ERMARD: variants seen among roughly 807,000 people sequenced by gnomAD.
ERMARD encodes endoplasmic reticulum membrane-associated RNA degradation protein.
A neutral mutation model predicts 83.9 loss-of-function variants in ERMARD; 71 were observed. That is an observed-to-expected ratio of 0.85 (90% CI 0.70 to 1.03). The LOEUF is 1.03. Among genes scored for constraint, ERMARD ranks in the 50% least tolerant of loss-of-function variants. The pLI, the probability that ERMARD is intolerant of heterozygous loss-of-function variation, is 0.00. For missense variants in ERMARD, 838 were observed against 810.9 expected, an observed-to-expected ratio of 1.03 and a Z score of -0.41; for synonymous variants, 284 against 298.6, an observed-to-expected ratio of 0.95 and a Z score of 0.50.
chr6:169,767,756 T>TACATAC (rs1792395875), intron 10 of ERMARD: 2 of 259,606 alleles, frequency 7.7e-6, no homozygotes, highest in East Asian at 1.8e-4. Flanking sequence ...GCACATACAC[T>TACATAC]ACACACACAC....
chr6:169,767,572 AACAC>A (rs536465931), intron 10 of ERMARD: 1 of 160,556 alleles, frequency 6.2e-6, no homozygotes, highest in Non-Finnish European at 1.4e-5. Flanking sequence ...TGTGTACACA[AACAC>A]ACATGCACAT....
At chr6:169,754,088 G>T in intron 2 of ERMARD, 56 bp downstream of exon 2, 1 of 1,506,200 alleles carries the variant, frequency 6.6e-7, no homozygotes, top group Non-Finnish European at 9.0e-7. Flanking sequence ...AAAATGTCTT[G>T]ACCTGTAAAA....
intron 1 of ERMARD, among the ~76,000 whole-genome samples, chr6:169,753,562 G>A (rs1272295756): frequency 6.6e-6 from 1 of 151,146 alleles, no homozygotes; most frequent in Non-Finnish European, 1.5e-5. Context: ...TTAAGTGAAA[G>A]GCAAGTTTAT....
intron 3 of ERMARD, 125 bp downstream of exon 3, chr6:169,755,547 G>A (rs1414376299): frequency 1.6e-6 from 2 of 1,235,908 alleles, no homozygotes; most frequent in South Asian, 1.5e-5. Flanking sequence ...AGTGTTGAGG[G>A]TTGTAAGAGA....
At chr6:169,771,380 G>T (rs1426529441) in intron 12 of ERMARD, 1 of 152,084 alleles carries the variant, frequency 6.6e-6, no homozygotes, top group African/African-American at 2.4e-5. Context: ...GCCGTGCCCT[G>T]CCTATTTTTT....
At chr6:169,752,377 T>TAAATTTCCA in intron 1 of ERMARD, among the ~76,000 whole-genome samples, 1 of 152,222 alleles carries the variant, frequency 6.6e-6, no homozygotes, top group South Asian at 2.1e-4. Context: ...AGGCAAGAGG[T>TAAATTTCCA]AGTCAGAGGC....
chr6:169,778,175 C>T (rs371354226), intron 16 of ERMARD, among the ~76,000 whole-genome samples: 19 of 152,228 alleles, frequency 1.2e-4, no homozygotes, highest in Non-Finnish European at 1.9e-4. Context: ...CTTCTCCACA[C>T]GGGCAGTGGC....
intron 16 of ERMARD, among the ~76,000 whole-genome samples, chr6:169,777,772 C>T (rs954860362): frequency 6.6e-6 from 1 of 152,058 alleles, no homozygotes; most frequent in African/African-American, 2.4e-5. Context: ...CCAGGCCCGC[C>T]CCCCTTCCCC....
chr6:169,775,797 G>T, intron 14 of ERMARD, 143 bp from the exon 15 acceptor site: 1 of 1,086,598 alleles, frequency 9.2e-7, no homozygotes, highest in Non-Finnish European at 1.3e-6. Context: ...GTATTGTCAT[G>T]GTGGCTTTTT....
chr6:169,773,344 T>C lies in ERMARD; in HGVS notation c.1259T>C (p.Ile420Thr), dbSNP rs1793197849. The C allele has an allele frequency of 6.2e-7, 1 of 1,614,146 alleles. No homozygotes were observed. Among genetic ancestry groups the C allele is most frequent in the Non-Finnish European group, 8.5e-7 (1 of 1,179,992 alleles). ...FKEKSAVELL[I>T]SLAEGYSSRC... ...GAAAAATCAGCCGTAGAATTGTTGA[T>C]TAGTCTTGCAGAAGGCTATAGTTCT... is the stretch of plus-strand genomic sequence containing the variant. Residue 420 changes from isoleucine to threonine, a missense_variant, in exon 13 of 18, where the codon ATT becomes ACT. Transcript: ENST00000366773.
rs1411588200 is a variant in ERMARD, at chr6:169,751,633, G to C, written c.-25G>C. The C allele has an allele frequency of 6.4e-7, 1 of 1,571,250 alleles. No homozygotes were observed. On this transcript the variant is annotated 5_prime_UTR_variant, in exon 1 of 18. Coordinates refer to ENST00000366773, the MANE Select transcript of ERMARD (RefSeq NM_018341.3). ...GCGCAGGCGCCTGCGTCATTCACGC[G>C]CGCCGCAGCGGGGCACCGGAAGTTA...
At chr6:169,752,919 A>G (rs1470786681) in intron 1 of ERMARD, 2 of 152,238 alleles carry the variant, frequency 1.3e-5, no homozygotes, top group Non-Finnish European at 2.9e-5. Flanking sequence ...AACAAATGAA[A>G]GGATAACAAG....
chr6:169,781,347 T>G lies in ERMARD; in HGVS notation c.1871T>G (p.Leu624Trp). 1 of 1,605,016 alleles carries G rather than the reference T, an allele frequency of 6.2e-7. No individual in the cohort carries two copies. Among genetic ancestry groups the G allele is most frequent in the South Asian group, 1.1e-5 (1 of 87,216 alleles). ...TTTTACAGGTTTGTAAAGTCGATCT[T>G]GCAGTACACGGAGAACCTGGTGGCT... ...QQYLKFVKSI[L>W]QYTENLVAYT... Residue 624 changes from leucine to tryptophan, a missense_variant, in exon 18 of 18, where the codon TTG becomes TGG. Coordinates refer to ENST00000366773, the MANE Select transcript of ERMARD (RefSeq NM_018341.3).
In ERMARD at chr6:169,772,306, C is replaced by T. The variant is rs75649577; in HGVS notation, c.1234-1013C>T. Among the ~76,000 whole-genome samples the T allele has an allele frequency of 2.3e-3, 349 of 152,350 alleles. 9 individuals are homozygous for T. In the East Asian group the frequency reaches 0.054, roughly 23 times the overall value. On this transcript the variant is annotated intron_variant, in intron 12 of 17. Transcript: ENST00000366773. Reference sequence around the variant, plus strand: ...ATATGCTGCGTGTGTGTCTGCCCTGCGGGGACGTCACCCATGCAGGCACAT... The same window carrying T: ...ATATGCTGCGTGTGTGTCTGCCCTGTGGGGACGTCACCCATGCAGGCACAT...
chr6:169,755,385 G>A lies in ERMARD; in HGVS notation c.278G>A (p.Arg93Gln), dbSNP rs142642959. ...LSLTKGQFEI[R>Q]YAPWFQWTSF... ...CTGACCAAGGGGCAATTTGAAATTC[G>A]ATATGCACCGTGGTTCCAGTGGACA... Residue 93 changes from arginine (R) to glutamine (Q), a missense_variant, in exon 3 of 18, where the codon CGA becomes CAA. Arg to Gln is a conservative substitution (Grantham distance 43). Transcript: ENST00000366773. The A allele has an allele frequency of 1.0e-4, 167 of 1,614,136 alleles. 1 individual carries two copies. The East Asian group carries it at 2.8e-3, about 27-fold the overall frequency.
rs1043312761 is a variant in ERMARD, at chr6:169,762,489, TG to T, written c.919del (p.Ala307ProfsTer11). 8.7e-6 allele frequency: 14 copies of T among 1,614,118 alleles called. No homozygotes were observed. In the African/African-American group the frequency reaches 1.9e-4, roughly 22 times the overall value. Reference sequence around the variant, plus strand: ...TGGAGACTGGACTTAGGAATGTTTTTGCCACACTTAACAGATGTCCAAAAAG... The same window carrying T: ...TGGAGACTGGACTTAGGAATGTTTTTCCACACTTAACAGATGTCCAAAAAG... Reference protein sequence around the residue: ...QLETGLRNVFATLNRCPKRLL... With the variant: ...QLETGLRNVFXTLNRCPKRLL... On this transcript the variant is annotated frameshift_variant, in exon 9 of 18. Coordinates refer to ENST00000366773, the MANE Select transcript of ERMARD (RefSeq NM_018341.3). LOFTEE classifies it high-confidence loss of function.
chr6:169,775,727 T>G (rs532454728), intron 14 of ERMARD, among the ~76,000 whole-genome samples: 31 of 152,370 alleles, frequency 2.0e-4, no homozygotes, highest in African/African-American at 7.0e-4. Context: ...CGCAGGTGGT[T>G]CATCGTCTCG....
At chr6:169,751,757 G>A in intron 1 of ERMARD, 94 bp downstream of exon 1, 1 of 1,430,218 alleles carries the variant, frequency 7.0e-7, no homozygotes, top group Non-Finnish European at 9.2e-7. Flanking sequence ...GGGCGAGCGA[G>A]CACGCGCCTG....
intron 10 of ERMARD, chr6:169,767,116 A>G (rs1792307670): frequency 6.5e-6 from 1 of 154,646 alleles, no homozygotes; most frequent in Admixed American, 6.5e-5. Flanking sequence ...TTGTGTGCGT[A>G]ACCCCGGGTA....
Sources: allele counts gnomAD v4.1 joint callset (sites outside exome capture counted in the v4.1 genomes callset), GRCh38; gene constraint gnomAD v4.1.1; transcripts MANE v1.5; gene names NCBI Gene and HGNC (gene_info 2026-07-23, HGNC 2026-07-21).